REEP6: variants seen among roughly 807,000 people sequenced by gnomAD.
REEP6 encodes receptor expression-enhancing protein 6.
Under a neutral mutation model 22.4 loss-of-function variants are expected in REEP6, and 19 were observed. The observed-to-expected ratio is 0.85, with a 90% confidence interval of 0.59 to 1.25. The LOEUF (loss-of-function observed/expected upper bound fraction) is 1.25, where lower values mean the gene tolerates loss of function less well. Among genes scored for constraint, REEP6 ranks in the 50% most tolerant of loss-of-function variants. The pLI is 0.00. For missense variants in REEP6, 273 were observed against 251.9 expected (o/e 1.08, Z -0.57); for synonymous variants, 121 against 113.6 (o/e 1.06, Z -0.41).
In REEP6 at chr19:1,491,411, G is replaced by C; in HGVS notation, c.115+27G>C. ...TGAGCCGTCGGCGCTAGCCCGTTTCGCCGACGGGCACACCGAGGCCATGGG... is the reference window on the plus strand; with the variant it reads ...TGAGCCGTCGGCGCTAGCCCGTTTCCCCGACGGGCACACCGAGGCCATGGG... On this transcript the variant is annotated intron_variant, in intron 1 of 4. Coordinates refer to ENST00000233596, the MANE Select transcript of REEP6 (RefSeq NM_138393.4). This position sits in a 1 kb window ranked among gnomAD's most constrained non-coding sequence, Gnocchi z 5.4. 1 of 1,373,038 alleles carries C rather than the reference G, an allele frequency of 7.3e-7. No homozygotes were observed. Among genetic ancestry groups the C allele is most frequent in the African/African-American group, 1.5e-5 (1 of 65,278 alleles). The allele number at this position is 1,373,038 out of a possible 1,614,324, so 85.1% of individuals were successfully genotyped here.
intron 1 of REEP6, among the ~76,000 whole-genome samples, chr19:1,495,089 G>A (rs1453893534): frequency 6.6e-6 from 1 of 152,220 alleles, no homozygotes; most frequent in Non-Finnish European, 1.5e-5. Context: ...ACATGGACAC[G>A]TTGACCAGTT....
chr19:1,492,243 T>C (rs766939003), intron 1 of REEP6, among the ~76,000 whole-genome samples: 11 of 151,908 alleles, frequency 7.2e-5, no homozygotes, highest in Non-Finnish European at 1.3e-4. Context: ...GTCTACCAAG[T>C]AGCTGGGATT....
At position 1,495,457 on chromosome 19, in the gene REEP6, C is replaced by T; in HGVS notation, c.210-12C>T. ...CCTGGCAGCCCCTGACCCTGCTGCA[C>T]CCTCCCTGCAGAATCAAAGCTATCG... On this transcript the variant is annotated splice_polypyrimidine_tract_variant and intron_variant, in intron 2 of 4. Transcript: ENST00000233596. 6.2e-7 allele frequency: 1 copy of T among 1,613,862 alleles called. No homozygotes were observed. The highest frequency in any genetic ancestry group is 8.5e-7 in the Non-Finnish European group (1 of 1,179,986).
chr19:1,495,474 A>C lies in REEP6; in HGVS notation c.215A>C (p.Lys72Thr), dbSNP rs1476302792. Residue 72 changes from lysine (K) to threonine (T), a missense_variant, in exon 3 of 5, where the codon AAA becomes ACA. By Grantham distance (78) the Lys-to-Thr change is moderately conservative. Transcript: ENST00000233596. ...GFVYPAYASIKAIESPSKDDD... is the reference protein window; with the variant it reads ...GFVYPAYASITAIESPSKDDD... ...CTGCTGCACCCTCCCTGCAGAATCA[A>C]AGCTATCGAGAGCCCAAGCAAGGAC... is the stretch of plus-strand genomic sequence containing the variant. 1 of 1,613,908 alleles carries C rather than the reference A, an allele frequency of 6.2e-7. No homozygotes were observed. Among genetic ancestry groups the C allele is most frequent in the Non-Finnish European group, 8.5e-7 (1 of 1,179,982 alleles).
chr19:1,496,946 G>A lies in REEP6; in HGVS notation c.518-228G>A, dbSNP rs958866757. Among the ~76,000 whole-genome samples, 3 of 152,146 alleles carry A rather than the reference G, an allele frequency of 2.0e-5. No individual in the cohort carries two copies. In the South Asian group the frequency reaches 6.2e-4, roughly 32 times the overall value. On this transcript the variant is annotated intron_variant, in intron 4 of 4. Coordinates refer to ENST00000233596, the MANE Select transcript of REEP6 (RefSeq NM_138393.4). ...TGCGTGTGACCATGTGTGCACGTGT[G>A]AGTGCGTGCGTGTGCATGACTGCAC...
rs762249273 is a variant in REEP6, at chr19:1,495,288, C to T, written c.116-6C>T. On this transcript the variant is annotated splice_region_variant and splice_polypyrimidine_tract_variant and intron_variant, in intron 1 of 4. Coordinates refer to ENST00000233596, the MANE Select transcript of REEP6 (RefSeq NM_138393.4). ...GCCCTGGCACACCACCGCCTCTCTCCGGCAGGAGCCGTCACTCTGCTAAGC... is the reference window on the plus strand; with the variant it reads ...GCCCTGGCACACCACCGCCTCTCTCTGGCAGGAGCCGTCACTCTGCTAAGC... 196 of 1,611,258 alleles carry T rather than the reference C, an allele frequency of 1.2e-4. No homozygotes were observed. The highest frequency in any genetic ancestry group is 8.2e-4 in the Middle Eastern group (5 of 6,084).
Sources: gnomAD v4.1 joint callset for allele counts (sites outside exome capture counted in the v4.1 genomes callset) on GRCh38, gnomAD v4.1.1 for gene constraint, Gnocchi (gnomAD v3.1) non-coding constraint, MANE v1.5 for transcripts, NCBI Gene and HGNC (gene_info 2026-07-23, HGNC 2026-07-21) for gene names.